Variants in CADPS2 observed in about 807,000 individuals in gnomAD.
CADPS2 encodes calcium-dependent secretion activator 2.
CADPS2 carries 93 observed loss-of-function variants against 172.5 expected under a neutral mutation model. The ratio of observed to expected loss-of-function variants is 0.54; its 90% CI spans 0.46 to 0.64. The LOEUF (loss-of-function observed/expected upper bound fraction) is 0.64. Among genes scored for constraint, CADPS2 ranks in the 30% least tolerant of loss-of-function variants. The pLI, the probability that CADPS2 is intolerant of heterozygous loss-of-function variation, is 0.00. For synonymous variants in CADPS2, 546 were observed against 555.2 expected (o/e 0.98, Z 0.23); for missense variants, 1,420 against 1,565.9 (o/e 0.91, Z 1.57).
At chr7:122,414,117 CA>C in intron 18 of CADPS2, 41 bp from the exon 19 acceptor site, 9 of 1,467,222 alleles carry the variant, frequency 6.1e-6, no homozygotes, top group Non-Finnish European at 8.1e-6. Context: ...CAGAGTAGAA[CA>C]ATTGCCATAG....
intron 9 of CADPS2, among the ~76,000 whole-genome samples, chr7:122,493,704 C>T (rs972838717): frequency 2.1e-5 from 3 of 143,636 alleles, no homozygotes; most frequent in South Asian, 2.2e-4. Context: ...TTTTGCCAAG[C>T]GTGGTTATGT....
intron 11 of CADPS2, among the ~76,000 whole-genome samples, chr7:122,482,384 T>C (rs1413172556): frequency 6.6e-6 from 1 of 152,066 alleles, no homozygotes; most frequent in Non-Finnish European, 1.5e-5. Context: ...ACAGGGGTGC[T>C]GTAAAACATT....
At chr7:122,478,121 A>G (rs1586456614) in intron 12 of CADPS2, among the ~76,000 whole-genome samples, 2 of 152,316 alleles carry the variant, frequency 1.3e-5, no homozygotes, top group East Asian at 3.9e-4. Flanking sequence ...CAAATGCAAA[A>G]CATGCTTTTT....
intron 1 of CADPS2, among the ~76,000 whole-genome samples, chr7:122,771,103 TG>T (rs1180180161): frequency 6.6e-6 from 1 of 152,130 alleles, no homozygotes; most frequent in Non-Finnish European, 1.5e-5. Context: ...TTAATTGGTC[TG>T]GGGCAGGGCC....
chr7:122,524,869 C>T (rs2061083664), intron 8 of CADPS2, among the ~76,000 whole-genome samples: 1 of 152,126 alleles, frequency 6.6e-6, no homozygotes, highest in Non-Finnish European at 1.5e-5. Context: ...ATGTTTGGGG[C>T]TGGGTGTGGT....
At chr7:122,376,241 A>C (rs943686129) in intron 25 of CADPS2, among the ~76,000 whole-genome samples, 2 of 152,208 alleles carry the variant, frequency 1.3e-5, no homozygotes, top group African/African-American at 4.8e-5. Flanking sequence ...AGCCAAAGGA[A>C]TTGAAATTAG....
chr7:122,497,199 C>G (rs572676885), intron 9 of CADPS2, among the ~76,000 whole-genome samples: 3 of 151,968 alleles, frequency 2.0e-5, no homozygotes, highest in African/African-American at 7.2e-5. Flanking sequence ...TCTTCAGTCT[C>G]AATTATTCTG....
At chr7:122,433,562 C>T (rs186261209) in intron 17 of CADPS2, among the ~76,000 whole-genome samples, 1 of 152,050 alleles carries the variant, frequency 6.6e-6, no homozygotes, top group East Asian at 2.0e-4. Context: ...CACCCCCACT[C>T]CAAGCTAATT....
At chr7:122,322,651 C>A (rs890390319) in intron 29 of CADPS2, among the ~76,000 whole-genome samples, 16 of 152,218 alleles carry the variant, frequency 1.1e-4, no homozygotes, top group Admixed American at 9.8e-4. Context: ...TTGAGGGTTT[C>A]ACTTTTCCCC....
At chr7:122,404,505 C>A (rs192087344) in intron 20 of CADPS2, among the ~76,000 whole-genome samples, 4 of 152,096 alleles carry the variant, frequency 2.6e-5, no homozygotes, top group Non-Finnish European at 5.9e-5. Flanking sequence ...TGGGTATATA[C>A]CCAGTAATGC....
At chr7:122,793,594 G>A (rs1323185477) in intron 1 of CADPS2, among the ~76,000 whole-genome samples, 1 of 152,140 alleles carries the variant, frequency 6.6e-6, no homozygotes, top group Non-Finnish European at 1.5e-5. Flanking sequence ...TTAACATGGT[G>A]TGTCTTTTAA....
Position 122,319,548 on chromosome 7 carries a change from A to G in CADPS2, c.*617T>C, listed in dbSNP as rs1031976066. ...GAGAATGGAACAAAGACACAAACCC[A>G]TTGGATAATCTAGTCTATATTTGGG... On this transcript the variant is annotated 3_prime_UTR_variant, in exon 30 of 30. Transcript: ENST00000449022. 1 of 152,168 alleles carries G rather than the reference A, an allele frequency of 6.6e-6. No homozygotes were observed. Among genetic ancestry groups the G allele is most frequent in the Non-Finnish European group, 1.5e-5 (1 of 68,024 alleles). 9.4% of individuals were successfully genotyped at this position (152,168 alleles called of 1,614,324 possible). A position where few individuals can be genotyped will look rare whatever the true frequency, so the allele number is the denominator to read the frequency against.
At chr7:122,786,380 T>C (rs1794046467) in intron 1 of CADPS2, among the ~76,000 whole-genome samples, 1 of 152,134 alleles carries the variant, frequency 6.6e-6, no homozygotes. Context: ...CTGGAGCAAA[T>C]CAAAATGATT....
At chr7:122,521,274 C>T (rs541584496) in intron 8 of CADPS2, among the ~76,000 whole-genome samples, 6 of 152,222 alleles carry the variant, frequency 3.9e-5, no homozygotes, top group Admixed American at 3.3e-4. Flanking sequence ...ACCTTTCAGA[C>T]ACTCATGATC....
chr7:122,387,019 T>C lies in CADPS2; in HGVS notation c.3312+7A>G. On this transcript the variant is annotated splice_region_variant and intron_variant, in intron 24 of 29. Transcript: ENST00000449022. ...CTGCCTTTCCCCATGTGGCACATTC[T>C]ACATACCTCTTGTCCTCCATCCAGG... is the stretch of plus-strand genomic sequence containing the variant. The C allele has an allele frequency of 6.4e-7, 1 of 1,554,064 alleles. No homozygotes were observed. The highest frequency in any genetic ancestry group is 8.7e-7 in the Non-Finnish European group (1 of 1,147,604).
At chr7:122,837,173 T>C (rs1167965846) in intron 1 of CADPS2, among the ~76,000 whole-genome samples, 1 of 152,192 alleles carries the variant, frequency 6.6e-6, no homozygotes, top group Non-Finnish European at 1.5e-5. Context: ...TGCTCCTGAA[T>C]GACTACTGGG....
intron 8 of CADPS2, among the ~76,000 whole-genome samples, chr7:122,534,208 C>A (rs779034803): frequency 1.3e-5 from 2 of 152,068 alleles, no homozygotes; most frequent in Non-Finnish European, 2.9e-5. Context: ...AAACTCTAGA[C>A]AACTTTAATA....
At chr7:122,512,077 AG>A (rs2130809054) in intron 9 of CADPS2, among the ~76,000 whole-genome samples, 1 of 152,114 alleles carries the variant, frequency 6.6e-6, no homozygotes, top group East Asian at 1.9e-4. Flanking sequence ...ATGTAAGAAG[AG>A]GTTACTTTTT....
intron 25 of CADPS2, among the ~76,000 whole-genome samples, chr7:122,371,382 A>G (rs972329341): frequency 5.3e-5 from 8 of 152,158 alleles, no homozygotes; most frequent in African/African-American, 1.9e-4. Flanking sequence ...GCAAAGGAAA[A>G]GCAGGCATCT....
Sources: allele counts gnomAD v4.1 joint callset (sites outside exome capture counted in the v4.1 genomes callset), GRCh38; gene constraint gnomAD v4.1.1; transcripts MANE v1.5; gene names NCBI Gene and HGNC (gene_info 2026-07-23, HGNC 2026-07-21).